RABGAP1L: variants seen among roughly 807,000 people sequenced by gnomAD.
RABGAP1L encodes the protein rab GTPase-activating protein 1-like.
RABGAP1L carries 63 observed loss-of-function variants against 137.7 expected under a neutral mutation model. The ratio of observed to expected loss-of-function variants is 0.46; its 90% CI spans 0.37 to 0.56. The LOEUF (loss-of-function observed/expected upper bound fraction) is 0.56, where lower values mean the gene tolerates loss of function less well. Ranked by LOEUF, RABGAP1L falls within the 20% of genes least tolerant of loss-of-function variation. The pLI, the probability that RABGAP1L is intolerant of heterozygous loss-of-function variation, is 0.00. For synonymous variants in RABGAP1L, 431 were observed against 433.7 expected (o/e 0.99, Z 0.08); for missense variants, 1,095 against 1,244.0 (o/e 0.88, Z 1.80).
chr1:174,195,899 G>C (rs1468623771), intron 1 of RABGAP1L, among the ~76,000 whole-genome samples: 3 of 139,536 alleles, frequency 2.1e-5, no homozygotes, highest in Non-Finnish European at 4.6e-5. Flanking sequence ...GCAGTGGCGT[G>C]ATCTCAGCTC....
intron 14 of RABGAP1L, among the ~76,000 whole-genome samples, chr1:174,654,741 A>C (rs573310478): frequency 1.3e-5 from 2 of 152,178 alleles, no homozygotes; most frequent in Non-Finnish European, 2.9e-5. Flanking sequence ...GCAATGTTAC[A>C]TAAAAGGAAA....
At chr1:174,463,913 A>G (rs926468360) in intron 13 of RABGAP1L, among the ~76,000 whole-genome samples, 57 of 152,220 alleles carry the variant, frequency 3.7e-4, no homozygotes, top group African/African-American at 1.3e-3. Flanking sequence ...TATAATCCAG[A>G]TATTTGGATT....
intron 13 of RABGAP1L, among the ~76,000 whole-genome samples, chr1:174,526,469 G>A (rs901637851): frequency 6.6e-6 from 1 of 151,956 alleles, no homozygotes; most frequent in African/African-American, 2.4e-5. Context: ...CTCCAGTCCC[G>A]GCTTTTCTTT....
chr1:174,635,191 T>G (rs1426676167), intron 13 of RABGAP1L, among the ~76,000 whole-genome samples: 1 of 152,216 alleles, frequency 6.6e-6, no homozygotes, highest in Non-Finnish European at 1.5e-5. Flanking sequence ...AGCATAATGC[T>G]AAATGCATAA....
chr1:174,610,997 C>G (rs566294181), intron 13 of RABGAP1L, among the ~76,000 whole-genome samples: 3 of 150,154 alleles, frequency 2.0e-5, no homozygotes, highest in African/African-American at 7.4e-5. Flanking sequence ...TTCTCCCATT[C>G]TGTAGGTTGC....
chr1:174,988,271 T>C (rs764967367), intron 24 of RABGAP1L, among the ~76,000 whole-genome samples: 1 of 152,228 alleles, frequency 6.6e-6, no homozygotes, highest in African/African-American at 2.4e-5. Context: ...ATGAGGATGA[T>C]GATAGTGCTT....
In RABGAP1L at chr1:174,995,140, G is replaced by C. The variant is rs1364356735; in HGVS notation, c.*5139G>C. ...TTACTTTTATAATCGTTATGAACTT[G>C]AATTGGATTAGTATCTTGTTTTTAT... On this transcript the variant is annotated 3_prime_UTR_variant, in exon 26 of 26. Transcript: ENST00000681986. 3 of 152,218 alleles carry C rather than the reference G, an allele frequency of 2.0e-5. No individual in the cohort carries two copies. Among genetic ancestry groups the C allele is most frequent in the Admixed American group, 2.0e-4 (3 of 15,292 alleles). The allele number at this position is 152,218 out of a possible 1,614,324, so 9.4% of individuals were successfully genotyped here. A position where few individuals can be genotyped will look rare whatever the true frequency, so the allele number is the denominator to read the frequency against.
intron 1 of RABGAP1L, among the ~76,000 whole-genome samples, chr1:174,209,265 G>A (rs1481560999): frequency 6.6e-6 from 1 of 152,148 alleles, no homozygotes; most frequent in African/African-American, 2.4e-5. Flanking sequence ...TGGGGGTTGG[G>A]GATGAGGTAG....
At chr1:174,550,961 C>T (rs11806096) in intron 13 of RABGAP1L, among the ~76,000 whole-genome samples, 12 of 78,950 alleles carry the variant, frequency 1.5e-4, no homozygotes, top group Admixed American at 5.1e-4. Flanking sequence ...TATATATACA[C>T]ATATATATAC....
chr1:174,989,368 C>T (rs908307595), intron 25 of RABGAP1L, among the ~76,000 whole-genome samples: 2 of 152,180 alleles, frequency 1.3e-5, no homozygotes, highest in African/African-American at 4.8e-5. Flanking sequence ...TCCCAGTGAT[C>T]CCTACCAGCA....
At chr1:174,712,224 G>A (rs1304946520) in intron 17 of RABGAP1L, among the ~76,000 whole-genome samples, 5 of 152,202 alleles carry the variant, frequency 3.3e-5, no homozygotes, top group Non-Finnish European at 7.3e-5. Context: ...ATAAAAGCAG[G>A]CTGCCCGAGC....
chr1:174,681,764 A>G (rs1002082011), intron 14 of RABGAP1L, among the ~76,000 whole-genome samples: 3 of 152,204 alleles, frequency 2.0e-5, no homozygotes, highest in African/African-American at 7.2e-5. Context: ...ACTTTGGCAC[A>G]TGGGGAATAC....
At chr1:174,541,168 T>C (rs1248945364) in intron 13 of RABGAP1L, among the ~76,000 whole-genome samples, 3 of 152,222 alleles carry the variant, frequency 2.0e-5, no homozygotes, top group Non-Finnish European at 4.4e-5. Context: ...TGAAGTTGCT[T>C]ATCAGCTTAG....
At chr1:174,867,254 G>A (rs914619078) in intron 19 of RABGAP1L, among the ~76,000 whole-genome samples, 1 of 151,866 alleles carries the variant, frequency 6.6e-6, no homozygotes, top group Non-Finnish European at 1.5e-5. Flanking sequence ...GGTGGTGTGC[G>A]CTTATAGTCC....
rs1475783369 is a variant in RABGAP1L, at chr1:174,903,989, C to T, written c.2341-53468C>T. ...AAAAAAAAAATTCCTAGGGAGATTT[C>T]TGATTTTAAAATGGTGACATGGAAG... On this transcript the variant is annotated intron_variant, in intron 19 of 25. Transcript: ENST00000681986. 2.7e-5 allele frequency among the ~76,000 whole-genome samples: 4 copies of T among 150,810 alleles called. No individual in the cohort carries two copies. The East Asian group carries it at 7.8e-4, about 29-fold the overall frequency.
At chr1:174,414,342 T>A (rs1280697273) in intron 13 of RABGAP1L, among the ~76,000 whole-genome samples, 1 of 152,164 alleles carries the variant, frequency 6.6e-6, no homozygotes, top group East Asian at 1.9e-4. Context: ...ATATTCATTA[T>A]GTGTTGTTTT....
intron 11 of RABGAP1L, among the ~76,000 whole-genome samples, chr1:174,347,783 A>G (rs1355471045): frequency 6.6e-6 from 1 of 152,108 alleles, no homozygotes; most frequent in Non-Finnish European, 1.5e-5. Flanking sequence ...CGTGAGCCAT[A>G]CAGTTTTTCT....
intron 11 of RABGAP1L, among the ~76,000 whole-genome samples, chr1:174,320,069 A>G (rs1679802671): frequency 6.6e-6 from 1 of 152,154 alleles, no homozygotes; most frequent in Admixed American, 6.6e-5. Flanking sequence ...TTGATACAGA[A>G]CCATTGAAAA....
At chr1:174,619,911 C>G (rs1444596971) in intron 13 of RABGAP1L, among the ~76,000 whole-genome samples, 1 of 152,152 alleles carries the variant, frequency 6.6e-6, no homozygotes, top group Non-Finnish European at 1.5e-5. Flanking sequence ...CGTGCAGAGA[C>G]ACACATAGGC....
Sources: allele counts gnomAD v4.1 joint callset (sites outside exome capture counted in the v4.1 genomes callset), GRCh38; gene constraint gnomAD v4.1.1; transcripts MANE v1.5; gene names NCBI Gene and HGNC (gene_info 2026-07-23, HGNC 2026-07-21).